Variants in MDGA2 observed in about 807,000 individuals in gnomAD.
MDGA2 encodes the protein MAM domain-containing glycosylphosphatidylinositol anchor protein 2.
In MDGA2, 40 loss-of-function variants were observed where a neutral mutation model predicts 117.8. The observed-to-expected ratio is 0.34, with a 90% CI of 0.26 to 0.44. The LOEUF (loss-of-function observed/expected upper bound fraction) is 0.44, where lower values mean the gene tolerates loss of function less well. Ranked by LOEUF, MDGA2 falls within the 20% of genes least tolerant of loss-of-function variation. The pLI is 1.00. For synonymous variants in MDGA2, 452 were observed against 439.0 expected (o/e 1.03, Z -0.37); for missense variants, 1,123 against 1,250.6 (o/e 0.90, Z 1.54).
chr14:47,085,998 A>G (rs1401030490), intron 6 of MDGA2, among the ~76,000 whole-genome samples: 1 of 152,054 alleles, frequency 6.6e-6, no homozygotes, highest in Non-Finnish European at 1.5e-5. Flanking sequence ...TATTTTGAAT[A>G]CTGAAATATA....
chr14:47,213,939 T>G (rs1343009560), intron 3 of MDGA2, among the ~76,000 whole-genome samples: 1 of 152,124 alleles, frequency 6.6e-6, no homozygotes, highest in African/African-American at 2.4e-5. Flanking sequence ...TCGGCCGTGC[T>G]GAGCACAGAA....
intron 2 of MDGA2, among the ~76,000 whole-genome samples, chr14:47,293,463 C>T (rs942551716): frequency 6.6e-6 from 1 of 152,128 alleles, no homozygotes; most frequent in African/African-American, 2.4e-5. Context: ...CAAATCCAGG[C>T]ATAGAGAAGA....
chr14:47,099,937 G>A (rs1431103444), intron 5 of MDGA2, among the ~76,000 whole-genome samples: 2 of 151,870 alleles, frequency 1.3e-5, no homozygotes, highest in African/African-American at 2.4e-5. Context: ...GGAACTCAGT[G>A]GGTGCTTAAT....
At chr14:47,355,282 A>G (rs1890968647) in intron 1 of MDGA2, among the ~76,000 whole-genome samples, 1 of 151,958 alleles carries the variant, frequency 6.6e-6, no homozygotes, top group South Asian at 2.1e-4. Context: ...CAGGAACCCA[A>G]CCTCTCTCCC....
At chr14:47,281,986 C>T (rs1160257683) in intron 2 of MDGA2, among the ~76,000 whole-genome samples, 1 of 144,232 alleles carries the variant, frequency 6.9e-6, no homozygotes, top group Non-Finnish European at 1.5e-5. Flanking sequence ...ACCCGGGAGG[C>T]GGAGGTTGCA....
At chr14:46,979,237 A>G (rs1355033700) in intron 8 of MDGA2, among the ~76,000 whole-genome samples, 1 of 152,066 alleles carries the variant, frequency 6.6e-6, no homozygotes, top group Admixed American at 6.6e-5. Context: ...CAAACTTAAT[A>G]TGTGTTGTGT....
At chr14:47,036,038 G>A (rs1045779426) in intron 7 of MDGA2, among the ~76,000 whole-genome samples, 4 of 151,884 alleles carry the variant, frequency 2.6e-5, no homozygotes, top group African/African-American at 9.7e-5. Context: ...GGGATAATGA[G>A]GCAGGAGGAT....
chr14:47,395,710 C>A (rs1250940275), intron 1 of MDGA2, among the ~76,000 whole-genome samples: 1 of 151,900 alleles, frequency 6.6e-6, no homozygotes, highest in African/African-American at 2.4e-5. Context: ...TATTATCAGA[C>A]AAAACATATA....
intron 8 of MDGA2, among the ~76,000 whole-genome samples, chr14:46,958,860 A>G (rs1031385249): frequency 6.6e-6 from 1 of 152,222 alleles, no homozygotes; most frequent in African/African-American, 2.4e-5. Context: ...TTGCTGTATG[A>G]CACAATATAT....
chr14:47,273,520 G>A (rs2139710206), intron 2 of MDGA2, among the ~76,000 whole-genome samples: 1 of 152,204 alleles, frequency 6.6e-6, no homozygotes, highest in African/African-American at 2.4e-5. Context: ...GTAAAAGGAA[G>A]CTGATCTGAT....
chr14:47,081,326 G>C (rs944853038), intron 6 of MDGA2, among the ~76,000 whole-genome samples: 8 of 151,972 alleles, frequency 5.3e-5, no homozygotes, highest in African/African-American at 1.7e-4. Context: ...ACAACTTAAT[G>C]ATAAGATGTC....
intron 1 of MDGA2, among the ~76,000 whole-genome samples, chr14:47,354,650 C>A (rs1168824900): frequency 6.6e-6 from 1 of 152,144 alleles, no homozygotes. Context: ...TGAGAACTAT[C>A]CCCAACATTT....
intron 1 of MDGA2, among the ~76,000 whole-genome samples, chr14:47,412,589 T>C (rs1892396364): frequency 2.0e-5 from 3 of 152,236 alleles, no homozygotes; most frequent in Non-Finnish European, 2.9e-5. Context: ...GCTGAAAATA[T>C]TTCAAGTTGC....
At chr14:46,868,370 G>T (rs1054009691) in intron 14 of MDGA2, among the ~76,000 whole-genome samples, 2 of 151,858 alleles carry the variant, frequency 1.3e-5, no homozygotes, top group African/African-American at 4.8e-5. Context: ...TTTACATGCA[G>T]GGCAGGGTGT....
chr14:47,063,395 TG>T (rs1324128319), intron 6 of MDGA2, among the ~76,000 whole-genome samples: 1 of 152,048 alleles, frequency 6.6e-6, no homozygotes, highest in Non-Finnish European at 1.5e-5. Flanking sequence ...TTTGGTATTC[TG>T]TTACCTAGAA....
At chr14:47,080,833 C>T (rs1042960970) in intron 6 of MDGA2, among the ~76,000 whole-genome samples, 3 of 152,206 alleles carry the variant, frequency 2.0e-5, no homozygotes, top group Admixed American at 6.5e-5. Context: ...AATTTTCAAT[C>T]TCCATCTTGC....
chr14:47,595,403 G>A (rs1016721386), intron 1 of MDGA2, among the ~76,000 whole-genome samples: 1 of 151,612 alleles, frequency 6.6e-6, no homozygotes, highest in Non-Finnish European at 1.5e-5. Flanking sequence ...GCACGGTGGT[G>A]GGCGCCTGTA....
At chr14:47,068,715 A>G (rs1441019827) in intron 6 of MDGA2, among the ~76,000 whole-genome samples, 1 of 152,184 alleles carries the variant, frequency 6.6e-6, no homozygotes, top group Non-Finnish European at 1.5e-5. Flanking sequence ...AGAAACAGCT[A>G]TCAGATGAGT....
intron 2 of MDGA2, among the ~76,000 whole-genome samples, chr14:47,218,707 C>T (rs1415792045): frequency 1.3e-5 from 2 of 152,048 alleles, no homozygotes; most frequent in Non-Finnish European, 2.9e-5. Context: ...TAATTTTAAA[C>T]ACCTGGTTGT....
Sources: gnomAD v4.1 joint callset for allele counts (sites outside exome capture counted in the v4.1 genomes callset) on GRCh38, gnomAD v4.1.1 for gene constraint, MANE v1.5 for transcripts, NCBI Gene and HGNC (gene_info 2026-07-23, HGNC 2026-07-21) for gene names.